The following TMCO4 variants were observed in gnomAD, a reference collection of about 807,000 sequenced individuals.
TMCO4 encodes the protein transmembrane and coiled-coil domain-containing protein 4.
A neutral mutation model predicts 64.7 loss-of-function variants in TMCO4; 58 were observed. The observed-to-expected ratio is 0.90, with a 90% CI of 0.73 to 1.12. TMCO4 has a LOEUF of 1.12. Ranked by LOEUF, TMCO4 falls within the 50% of genes most tolerant of loss-of-function variation. The pLI, the probability that TMCO4 is intolerant of heterozygous loss-of-function variation, is 0.00. For synonymous variants in TMCO4, 325 were observed against 346.1 expected, an observed-to-expected ratio of 0.94 and a Z score of 0.68; for missense variants, 780 against 825.9, an observed-to-expected ratio of 0.94 and a Z score of 0.68.
chr1:19,706,385 A>G (rs61459729), intron 13 of TMCO4, among the ~76,000 whole-genome samples: 1,816 of 152,334 alleles, frequency 0.012, 31 homozygotes, highest in African/African-American at 0.041. Context: ...TGCATGGACA[A>G]TGAGTGTTTG....
At chr1:19,736,843 T>C (rs1000952270) in intron 13 of TMCO4, among the ~76,000 whole-genome samples, 6 of 152,156 alleles carry the variant, frequency 3.9e-5, no homozygotes, top group Non-Finnish European at 1.5e-5. Flanking sequence ...AAAAGGGTCG[T>C]TGCAGATATA....
At chr1:19,715,104 C>T (rs2095349378) in intron 13 of TMCO4, among the ~76,000 whole-genome samples, 2 of 152,002 alleles carry the variant, frequency 1.3e-5, no homozygotes, top group African/African-American at 4.8e-5. Context: ...ATTAGCCAGG[C>T]ACACCTACAG....
At chr1:19,687,526 C>T (rs575382584) in intron 15 of TMCO4, among the ~76,000 whole-genome samples, 1 of 152,260 alleles carries the variant, frequency 6.6e-6, no homozygotes, top group Non-Finnish European at 1.5e-5. Flanking sequence ...GTTCCCTTAC[C>T]TTAGTTTCCT....
intron 13 of TMCO4, among the ~76,000 whole-genome samples, chr1:19,718,095 T>G (rs6426823): frequency 0.83 from 126,380 of 151,630 alleles, 53,239 homozygotes; most frequent in African/African-American, 0.96. Context: ...CACTTAGGGA[T>G]GCTAAGGCAG....
chr1:19,790,148 CT>C (rs2043958372), intron 2 of TMCO4, among the ~76,000 whole-genome samples: 1 of 151,572 alleles, frequency 6.6e-6, no homozygotes. Flanking sequence ...TAGACCCCTT[CT>C]TTACACCGTA....
intron 6 of TMCO4, among the ~76,000 whole-genome samples, chr1:19,759,403 A>T (rs1362854620): frequency 6.6e-6 from 1 of 152,016 alleles, no homozygotes; most frequent in Non-Finnish European, 1.5e-5. Flanking sequence ...AAAATCATCA[A>T]TCCGGTCATG....
At chr1:19,766,614 G>A (rs1412369797) in intron 6 of TMCO4, among the ~76,000 whole-genome samples, 1 of 152,076 alleles carries the variant, frequency 6.6e-6, no homozygotes, top group Non-Finnish European at 1.5e-5. Context: ...CTCCATGCTG[G>A]GCACTCTACA....
chr1:19,740,863 A>C lies in TMCO4; in HGVS notation c.956T>G (p.Met319Arg). 2 of 1,614,138 alleles carry C rather than the reference A, an allele frequency of 1.2e-6. No homozygotes were observed. The highest frequency in any genetic ancestry group is 1.7e-6 in the Non-Finnish European group (2 of 1,179,996). Residue 319 changes from methionine (M) to arginine (R), a missense_variant, in exon 11 of 16, where the codon ATG (methionine) becomes AGG (arginine). Met to Arg is a moderately conservative substitution (Grantham distance 91). Coordinates refer to ENST00000294543, the MANE Select transcript of TMCO4 (RefSeq NM_181719.7). ...YCLAWEAKYL[M>R]ELGNALETIL... ...GGTCTCCAGGGCATTGCCGAGCTCC[A>C]TCAGGTACTTGGCTTCCCAGGCCAG...
chr1:19,779,958 T>C (rs559213933), intron 4 of TMCO4, among the ~76,000 whole-genome samples: 66 of 152,304 alleles, frequency 4.3e-4, no homozygotes, highest in South Asian at 1.0e-3. Context: ...AATGAGGGGA[T>C]GTCTTATCCC....
rs1303072675 is a variant in TMCO4 at position 19,745,553 on chromosome 1, AC to A, written c.855del (p.Trp286GlyfsTer33). Reference sequence around the variant, plus strand: ...TCACGGTATTTGCCAGAAGCGAGCCACCCCGTGACGGCGATGGTGATGTGCA... The same window carrying A: ...TCACGGTATTTGCCAGAAGCGAGCCACCCGTGACGGCGATGGTGATGTGCA... The part of the protein sequence containing the change: ...RQLHITIAVT[G>X]WLASGKYRTF... On this transcript the variant is annotated frameshift_variant, in exon 10 of 16. Transcript: ENST00000294543. LOFTEE classifies it high-confidence loss of function. 6.2e-7 allele frequency: 1 copy of A among 1,613,978 alleles called. No individual in the cohort carries two copies. The highest frequency in any genetic ancestry group is 8.5e-7 in the Non-Finnish European group (1 of 1,179,984).
At chr1:19,782,486 A>T (rs1295854066) in intron 3 of TMCO4, among the ~76,000 whole-genome samples, 1 of 152,224 alleles carries the variant, frequency 6.6e-6, no homozygotes, top group Non-Finnish European at 1.5e-5. Context: ...AAATATATTT[A>T]AAAATTCCCT....
In TMCO4 at chr1:19,732,608, G is replaced by A. The variant is rs1355477150; in HGVS notation, c.1264+4764C>T. On this transcript the variant is annotated intron_variant, in intron 13 of 15. Coordinates refer to ENST00000294543, the MANE Select transcript of TMCO4 (RefSeq NM_181719.7). This position sits in a 1 kb window ranked among gnomAD's most constrained non-coding sequence, Gnocchi z 4.8. ...GGCTGATTAATAACAAAGACAGTGG[G>A]GGCTGGGCATGGTGGCTCATGCCTG... Among the ~76,000 whole-genome samples, 1 of 152,114 alleles carries A rather than the reference G, an allele frequency of 6.6e-6. No individual in the cohort carries two copies. The highest frequency in any genetic ancestry group is 2.4e-5 in the African/African-American group (1 of 41,448).
At chr1:19,697,772 T>C (rs1215866284) in intron 14 of TMCO4, among the ~76,000 whole-genome samples, 1 of 109,990 alleles carries the variant, frequency 9.1e-6, no homozygotes, top group African/African-American at 3.3e-5. Context: ...CTAATTTTTG[T>C]ATTTTTTTTT....
intron 2 of TMCO4, among the ~76,000 whole-genome samples, chr1:19,792,212 T>C (rs774390965): frequency 1.5e-4 from 23 of 152,164 alleles, no homozygotes; most frequent in Non-Finnish European, 2.6e-4. Context: ...GAAAGACCCA[T>C]ACTTAACCTA....
intron 12 of TMCO4, among the ~76,000 whole-genome samples, chr1:19,738,058 A>T (rs1424436633): frequency 6.6e-6 from 1 of 152,266 alleles, no homozygotes; most frequent in Admixed American, 6.5e-5. Context: ...CAAGACTCTA[A>T]AGAAAATGAA....
intron 7 of TMCO4, among the ~76,000 whole-genome samples, chr1:19,752,075 C>A (rs562254211): frequency 6.6e-6 from 1 of 151,438 alleles, no homozygotes; most frequent in Non-Finnish European, 1.5e-5. Flanking sequence ...TTTTTTTGTA[C>A]ATAAAATAGC....
chr1:19,721,896 C>T (rs1187782761), intron 13 of TMCO4, among the ~76,000 whole-genome samples: 2 of 152,206 alleles, frequency 1.3e-5, no homozygotes, highest in African/African-American at 4.8e-5. Context: ...TACTACTAAC[C>T]TTGGGACTCT....
At chr1:19,752,834 A>C (rs2100922686) in intron 7 of TMCO4, among the ~76,000 whole-genome samples, 1 of 151,022 alleles carries the variant, frequency 6.6e-6, no homozygotes, top group South Asian at 2.1e-4. Context: ...TGAAACACTT[A>C]GGGGGCTGTT....
At chr1:19,770,683 G>T in intron 5 of TMCO4, 114 bp from the exon 6 acceptor site, 1 of 1,057,802 alleles carries the variant, frequency 9.5e-7, no homozygotes, top group Non-Finnish European at 1.4e-6. Context: ...AAAAGCCACT[G>T]CCCTAGATTC....
Sources: allele counts gnomAD v4.1 joint callset (sites outside exome capture counted in the v4.1 genomes callset), GRCh38; gene constraint gnomAD v4.1.1; non-coding constraint Gnocchi (gnomAD v3.1); transcripts MANE v1.5; gene names NCBI Gene and HGNC (gene_info 2026-07-23, HGNC 2026-07-21).